The following DNM1L variants were observed in gnomAD, a reference collection of about 807,000 sequenced individuals.
DNM1L encodes dynamin-1-like protein.
Under a neutral mutation model 92.8 loss-of-function variants are expected in DNM1L, and 33 were observed. The ratio of observed to expected loss-of-function variants is 0.36; its 90% CI spans 0.27 to 0.48. DNM1L has a LOEUF of 0.48. DNM1L is among the 20% of genes least tolerant of loss of function. The pLI is 0.99. For missense variants in DNM1L, 485 were observed against 888.8 expected (o/e 0.55, Z 5.78); for synonymous variants, 284 against 305.0 (o/e 0.93, Z 0.72).
At chr12:32,707,569 A>G (rs910691016) in intron 3 of DNM1L, among the ~76,000 whole-genome samples, 156 bp downstream of exon 3, 8 of 152,220 alleles carry the variant, frequency 5.3e-5, no homozygotes, top group African/African-American at 1.4e-4. Context: ...TCTAACCACA[A>G]TTGTTTATTG....
chr12:32,719,908 C>A (rs528483211), intron 7 of DNM1L, among the ~76,000 whole-genome samples: 40 of 152,264 alleles, frequency 2.6e-4, no homozygotes, highest in Middle Eastern at 3.4e-3. Context: ...GGATGAATAT[C>A]TCTTTTAGTC....
chr12:32,729,057 C>A (rs1211628787), intron 9 of DNM1L: 1 of 152,300 alleles, frequency 6.6e-6, no homozygotes, highest in Non-Finnish European at 1.5e-5. Flanking sequence ...TCCCAAAGTG[C>A]TGGGATTACA....
chr12:32,710,835 C>T, intron 4 of DNM1L, 94 bp from the exon 5 acceptor site: 1 of 1,067,050 alleles, frequency 9.4e-7, no homozygotes, highest in Non-Finnish European at 1.3e-6. Flanking sequence ...TGATTTAATT[C>T]ATTTTTAAAA....
In DNM1L at chr12:32,713,332, T is replaced by G. The variant is rs1309986527; in HGVS notation, c.580T>G (p.Ser194Ala). Residue 194 changes from serine (S) to alanine (A), a missense_variant, in exon 6 of 20, where the codon TCA (serine) becomes GCA (alanine). By Grantham distance (99) the Ser-to-Ala change is moderately conservative. Around this residue, in one of 11 missense-constraint regions of DNM1L, gnomAD observed 159 missense variants for 275.9 expected, o/e 0.58. Transcript: ENST00000549701. Reference sequence around the variant, plus strand: ...TGCTGCTAATACAGATATGGCAACATCAGAGGCACTTAAAATTTCAAGAGA... The same window carrying G: ...TGCTGCTAATACAGATATGGCAACAGCAGAGGCACTTAAAATTTCAAGAGA... Reference protein sequence around the residue: ...VTAANTDMATSEALKISREVD... With the variant: ...VTAANTDMATAEALKISREVD... 5.6e-6 allele frequency: 9 copies of G among 1,613,930 alleles called. No individual in the cohort carries two copies. Among genetic ancestry groups the G allele is most frequent in the Non-Finnish European group, 7.6e-6 (9 of 1,179,934 alleles).
chr12:32,682,286 C>G (rs1951836368), intron 1 of DNM1L, among the ~76,000 whole-genome samples: 1 of 152,166 alleles, frequency 6.6e-6, no homozygotes, highest in South Asian at 2.1e-4. Flanking sequence ...GCATGCACCA[C>G]CACGCCCGGC....
intron 9 of DNM1L, chr12:32,726,654 AAATT>A: frequency 1.3e-6 from 1 of 745,770 alleles, no homozygotes; most frequent in Non-Finnish European, 2.3e-6. Context: ...AGGGGCAAGA[AAATT>A]AAAGAAAGAG....
intron 6 of DNM1L, among the ~76,000 whole-genome samples, chr12:32,715,259 T>C (rs1953311356): frequency 6.6e-6 from 1 of 152,014 alleles, no homozygotes; most frequent in Admixed American, 6.6e-5. Context: ...GCACCTGGTT[T>C]GATTACTAAT....
chr12:32,737,197 T>C, intron 14 of DNM1L, 36 bp downstream of exon 14: 1 of 1,603,578 alleles, frequency 6.2e-7, no homozygotes, highest in Non-Finnish European at 8.5e-7. Context: ...TCCCAATACC[T>C]AAAGATAGAT....
At chr12:32,701,239 G>GC (rs1952686328) in intron 1 of DNM1L, among the ~76,000 whole-genome samples, 176 bp from the exon 2 acceptor site, 1 of 150,606 alleles carries the variant, frequency 6.6e-6, no homozygotes, top group African/African-American at 2.4e-5. Context: ...TCGTGCCATT[G>GC]CACTCCAGCC....
At chr12:32,717,313 T>A (rs533077184) in intron 6 of DNM1L, among the ~76,000 whole-genome samples, 18 of 80,764 alleles carry the variant, frequency 2.2e-4, no homozygotes, top group Admixed American at 3.6e-4. Context: ...TACTATATAT[T>A]ATATATACAC....
rs1243765355 is a variant in DNM1L, at chr12:32,711,023, A to T, written c.456+8A>T. On this transcript the variant is annotated splice_region_variant and intron_variant, in intron 5 of 19. Transcript: ENST00000549701. ...TTGCCAGGAATGACCAAGGTAAGGA[A>T]GGAATAGTTGTAGATTTGGTCAGGT... 6.8e-6 allele frequency: 11 copies of T among 1,612,572 alleles called. No homozygotes were observed. The highest frequency in any genetic ancestry group is 9.3e-6 in the Non-Finnish European group (11 of 1,178,760).
chr12:32,737,581 T>G (rs1278321125), intron 14 of DNM1L: 5 of 439,134 alleles, frequency 1.1e-5, no homozygotes, highest in African/African-American at 2.0e-5. Context: ...TATAAAAATC[T>G]TTTACCTTGA....
intron 1 of DNM1L, among the ~76,000 whole-genome samples, chr12:32,695,776 A>G (rs1442796779): frequency 6.6e-6 from 1 of 152,162 alleles, no homozygotes; most frequent in Non-Finnish European, 1.5e-5. Flanking sequence ...TGTCTTGGAT[A>G]AATTAAGTGA....
At chr12:32,699,485 G>A (rs1275244955) in intron 1 of DNM1L, among the ~76,000 whole-genome samples, 1 of 152,108 alleles carries the variant, frequency 6.6e-6, no homozygotes, top group Non-Finnish European at 1.5e-5. Context: ...AATAATAAAG[G>A]AATGTAAATT....
At chr12:32,682,885 T>C (rs1431426361) in intron 1 of DNM1L, among the ~76,000 whole-genome samples, 1 of 152,202 alleles carries the variant, frequency 6.6e-6, no homozygotes, top group East Asian at 1.9e-4. Flanking sequence ...AGAGACCATC[T>C]GTGTGAAATG....
At chr12:32,714,725 C>T (rs1455568276) in intron 6 of DNM1L, among the ~76,000 whole-genome samples, 1 of 151,266 alleles carries the variant, frequency 6.6e-6, no homozygotes, top group African/African-American at 2.4e-5. Flanking sequence ...GTGGCTCATG[C>T]CCGTAATACC....
chr12:32,704,321 G>A (rs1351215912), intron 2 of DNM1L, among the ~76,000 whole-genome samples: 1 of 152,024 alleles, frequency 6.6e-6, no homozygotes, highest in Non-Finnish European at 1.5e-5. Flanking sequence ...AGGCCGAGGC[G>A]GGTGGATCAC....
chr12:32,739,441 G>T (rs1186363457), intron 16 of DNM1L, among the ~76,000 whole-genome samples: 2 of 152,192 alleles, frequency 1.3e-5, no homozygotes, highest in South Asian at 4.1e-4. Context: ...GAGTACAGAG[G>T]TTGAGGGGAC....
Position 32,701,483 on chromosome 12 carries a change from T to C in DNM1L, c.171T>C (p.Ile57=), listed in dbSNP as rs1592592005. 1 of 1,613,834 alleles carries C rather than the reference T, an allele frequency of 6.2e-7. No homozygotes were observed. Among genetic ancestry groups the C allele is most frequent in the Non-Finnish European group, 8.5e-7 (1 of 1,179,764 alleles). ...GRDLLPRGTG[I]VTRRPLILQL... is the part of the protein sequence containing the mutation. The stretch of plus-strand genomic sequence containing the variant: ...ACCTGCTTCCCAGAGGTACTGGAAT[T>C]GTCACCCGGAGACCTCTCATTCTGC... The change falls in exon 2 of 20, where the codon ATT becomes ATC. Residue 57 remains isoleucine, a synonymous_variant. Transcript: ENST00000549701.
Sources: gnomAD v4.1 joint callset for allele counts (sites outside exome capture counted in the v4.1 genomes callset) on GRCh38, gnomAD v4.1.1 for gene constraint, gnomAD v4.1.1 regional missense constraint, MANE v1.5 for transcripts, NCBI Gene and HGNC (gene_info 2026-07-23, HGNC 2026-07-21) for gene names.